URB1: variants seen among roughly 807,000 people sequenced by gnomAD.
The protein encoded by URB1 is nucleolar pre-ribosomal-associated protein 1.
In URB1, 197 loss-of-function variants were observed where a neutral mutation model predicts 242.3. That is an observed-to-expected ratio of 0.81 (90% CI 0.72 to 0.91). URB1 has a LOEUF of 0.91. Among genes scored for constraint, URB1 ranks in the 40% least tolerant of loss-of-function variants. The pLI is 0.00. For missense variants in URB1, 2,721 were observed against 2,860.5 expected (o/e 0.95, Z 1.11); for synonymous variants, 1,153 against 1,201.8 (o/e 0.96, Z 0.84).
chr21:32,337,303 C>G (rs985649691), intron 27 of URB1, 101 bp downstream of exon 27: 16 of 1,354,334 alleles, frequency 1.2e-5, no homozygotes, highest in Non-Finnish European at 1.6e-5. Flanking sequence ...TCACTGTCTC[C>G]TCCTGCTCAC....
Position 32,353,952 on chromosome 21 carries a change from A to G in URB1, c.2397T>C (p.Leu799=). The G allele has an allele frequency of 6.4e-7, 1 of 1,551,738 alleles. No homozygotes were observed. Among genetic ancestry groups the G allele is most frequent in the Non-Finnish European group, 8.7e-7 (1 of 1,147,004 alleles). The part of the protein sequence containing the change: ...AALEARNKLL[L]GTGNEAAENV... ...AGGTACCTGCTTCATTGCCTGTCCCAAGGAGCAACTTATTCCTGGCTTCCA... is the reference window on the plus strand; with the variant it reads ...AGGTACCTGCTTCATTGCCTGTCCCGAGGAGCAACTTATTCCTGGCTTCCA... The change falls in exon 18 of 39, where the codon CTT becomes CTC. Residue 799 remains leucine (L), a synonymous_variant. Transcript: ENST00000382751.
chr21:32,339,000 T>C lies in URB1; in HGVS notation c.4317-100A>G, dbSNP rs1427062243. On this transcript the variant is annotated intron_variant, in intron 25 of 38. Transcript: ENST00000382751. The stretch of plus-strand genomic sequence containing the variant: ...TTTTTCTCAGTATTTTATTTATTTA[T>C]TTATTTTTGAGATGGAGTCTCATTC... The C allele has an allele frequency of 2.4e-6, 3 of 1,263,152 alleles. No homozygotes were observed. In the African/African-American group the frequency reaches 4.5e-5, roughly 19 times the overall value. 78.2% of individuals were successfully genotyped at this position (1,263,152 alleles called of 1,614,324 possible). A position where few individuals can be genotyped will look rare whatever the true frequency, so the allele number is the denominator to read the frequency against.
chr21:32,324,534 C>T lies in URB1; in HGVS notation c.5190G>A (p.Leu1730=). Residue 1730 remains leucine (L), a synonymous_variant, in exon 32 of 39, where the codon TTG becomes TTA. Transcript: ENST00000382751. ...GGGCTGCTTTGGCAATGAAGAGAGC[C>T]AAGGTAAAAGTAAGTCTCATGTCCT... is the stretch of plus-strand genomic sequence containing the variant. ...RTQDMRLTFT[L]ALFIAKAALQ... is the part of the protein sequence containing the mutation. 1 of 1,551,902 alleles carries T rather than the reference C, an allele frequency of 6.4e-7. No individual in the cohort carries two copies.
chr21:32,375,614 T>A, intron 5 of URB1, 131 bp from the exon 6 acceptor site: 1 of 548,920 alleles, frequency 1.8e-6, no homozygotes, highest in Non-Finnish European at 3.1e-6. Context: ...TTTTTAACTA[T>A]ACAAGTTTCC....
chr21:32,384,773 A>T (rs900704509), intron 2 of URB1, among the ~76,000 whole-genome samples: 1 of 152,102 alleles, frequency 6.6e-6, no homozygotes, highest in Admixed American at 6.5e-5. Flanking sequence ...CGAGGTCAGG[A>T]GATTGAAACC....
In URB1 at chr21:32,338,879, T is replaced by C; in HGVS notation, c.4338A>G (p.Thr1446=). 2 of 1,546,444 alleles carry C rather than the reference T, an allele frequency of 1.3e-6. No individual in the cohort carries two copies. Among genetic ancestry groups the C allele is most frequent in the Non-Finnish European group, 1.8e-6 (2 of 1,142,818 alleles). ...KGLKFRYQDH[T]FLKMLLTAVQ... ...CGGCGGTGAGGAGCATCTTTAAAAATGTGTGGTCCTGGTACCGAAATCTAG... is the reference window on the plus strand; with the variant it reads ...CGGCGGTGAGGAGCATCTTTAAAAACGTGTGGTCCTGGTACCGAAATCTAG... Residue 1446 remains threonine, a synonymous_variant, in exon 26 of 39, where the codon ACA becomes ACG. Transcript: ENST00000382751.
At chr21:32,369,405 T>TAA (rs770627463) in intron 8 of URB1, among the ~76,000 whole-genome samples, 26 of 152,224 alleles carry the variant, frequency 1.7e-4, no homozygotes, top group Non-Finnish European at 3.2e-4. Flanking sequence ...AGTGTGAGTG[T>TAA]AAAAAAATGC....
Position 32,347,150 on chromosome 21 carries a change from C to T in URB1, c.3674G>A (p.Arg1225Gln), listed in dbSNP as rs1054370545. ...GATGCTGAGGGCCGCCTGTGTGCGC[C>T]GGGCCAGGCAGTAGTCAAGCAGATC... Reference protein sequence around the residue: ...GADLLDYCLARRTQAALSIAA... With the variant: ...GADLLDYCLAQRTQAALSIAA... The change falls in exon 22 of 39, where the codon CGG (arginine) becomes CAG (glutamine). Residue 1225 changes from arginine (R) to glutamine (Q), a missense_variant. Coordinates refer to ENST00000382751, the MANE Select transcript of URB1 (RefSeq NM_014825.3). 2.1e-5 allele frequency: 32 copies of T among 1,548,878 alleles called. No individual in the cohort carries two copies. In the East Asian group the frequency reaches 3.9e-4, roughly 19 times the overall value.
chr21:32,388,451 T>C (rs1020504931), intron 1 of URB1, among the ~76,000 whole-genome samples: 2 of 152,250 alleles, frequency 1.3e-5, no homozygotes, highest in African/African-American at 2.4e-5. Context: ...TCCCCTTTTA[T>C]GCTGCAACAT....
chr21:32,322,419 G>T (rs16989266), intron 33 of URB1, 59 bp downstream of exon 33: 1 of 1,398,450 alleles, frequency 7.2e-7, no homozygotes, highest in Non-Finnish European at 9.9e-7. Flanking sequence ...GAATGACAAC[G>T]GTGGCTGCAT....
chr21:32,373,843 A>C (rs1329312170), intron 6 of URB1, 71 bp from the exon 7 acceptor site: 9 of 1,353,024 alleles, frequency 6.7e-6, no homozygotes, highest in Non-Finnish European at 8.8e-6. Context: ...ATTATTTTTT[A>C]AATGGTGCTT....
chr21:32,315,863 T>G (rs1168727352), intron 38 of URB1, among the ~76,000 whole-genome samples: 1 of 151,762 alleles, frequency 6.6e-6, no homozygotes, highest in African/African-American at 2.4e-5. Context: ...TGCCAGCCCC[T>G]CCCTCCCCTG....
chr21:32,369,870 G>T (rs1010919318), intron 8 of URB1, among the ~76,000 whole-genome samples: 1 of 151,190 alleles, frequency 6.6e-6, no homozygotes, highest in Non-Finnish European at 1.5e-5. Context: ...GTCTTCAAAG[G>T]TATGAAAAGA....
chr21:32,365,637 C>T (rs1412664046), intron 10 of URB1, among the ~76,000 whole-genome samples: 1 of 152,166 alleles, frequency 6.6e-6, no homozygotes, highest in Non-Finnish European at 1.5e-5. Context: ...TTGACAAACA[C>T]AACACAAAAC....
At chr21:32,320,795 C>T (rs148787695) in intron 34 of URB1, among the ~76,000 whole-genome samples, 155 bp from the exon 35 acceptor site, 5 of 152,334 alleles carry the variant, frequency 3.3e-5, no homozygotes, top group South Asian at 2.1e-4. Flanking sequence ...TGGCCATGTA[C>T]GAACGTGCCC....
chr21:32,314,598 C>T lies in URB1; in HGVS notation c.*320G>A, dbSNP rs537907926. On this transcript the variant is annotated 3_prime_UTR_variant, in exon 39 of 39. Transcript: ENST00000382751. ...CTGCATTCAGAAGTGCTGCCTCAAA[C>T]TCGAGCTATTTCCTGTGATGAGCTC... The T allele has an allele frequency of 1.6e-4, 265 of 1,614,216 alleles. 2 individuals are homozygous for T. The South Asian group carries it at 2.7e-3, about 17-fold the overall frequency.
At position 32,392,800 on chromosome 21, in the gene URB1, A is replaced by T; in HGVS notation, c.111T>A (p.Ala37=). Residue 37 remains alanine (A), a synonymous_variant, in exon 1 of 39, where the codon GCT becomes GCA. Transcript: ENST00000382751. ...CGGGGCCCTGCGGGTCCTTCAGCTG[A>T]GCCTTGAACCGCACGCCCGTGAGCT... The part of the protein sequence containing the change: ...KEELTGVRFK[A]QLKDPQGPGP... 6.6e-7 allele frequency: 1 copy of T among 1,509,000 alleles called. No individual in the cohort carries two copies. The highest frequency in any genetic ancestry group is 2.0e-5 in the Admixed American group (1 of 49,368). The allele number at this position is 1,509,000 out of a possible 1,614,324, so 93.5% of individuals were successfully genotyped here. A position where few individuals can be genotyped will look rare whatever the true frequency, so the allele number is the denominator to read the frequency against.
chr21:32,386,287 AGAG>A (rs748183384), intron 1 of URB1, among the ~76,000 whole-genome samples: 1 of 152,182 alleles, frequency 6.6e-6, no homozygotes, highest in Non-Finnish European at 1.5e-5. Context: ...TGGTGTCCTT[AGAG>A]GAGAAGGAGA....
At chr21:32,381,367 T>A (rs1007941841) in intron 4 of URB1, among the ~76,000 whole-genome samples, 2 of 151,420 alleles carry the variant, frequency 1.3e-5, no homozygotes, top group Admixed American at 1.3e-4. Flanking sequence ...ATATTATCTA[T>A]AACCCTCCTT....
Sources: allele counts gnomAD v4.1 joint callset (sites outside exome capture counted in the v4.1 genomes callset), GRCh38; gene constraint gnomAD v4.1.1; transcripts MANE v1.5; gene names NCBI Gene and HGNC (gene_info 2026-07-23, HGNC 2026-07-21).